The following GALNT18 variants were observed in gnomAD, a reference collection of about 807,000 sequenced individuals.
The protein encoded by GALNT18 is GalNAc-transferase 18.
Under a neutral mutation model 69.5 loss-of-function variants are expected in GALNT18, and 44 were observed. That is an observed-to-expected ratio of 0.63 (90% confidence interval 0.50 to 0.81). The LOEUF is 0.81. GALNT18 is among the 40% of genes least tolerant of loss of function. The pLI is 0.00. For missense variants in GALNT18, 715 were observed against 810.0 expected (o/e 0.88, Z 1.42); for synonymous variants, 364 against 318.2 (o/e 1.14, Z -1.53).
At chr11:11,272,823 T>C (rs1379386496) in intron 10 of GALNT18, among the ~76,000 whole-genome samples, 2 of 152,090 alleles carry the variant, frequency 1.3e-5, no homozygotes, top group African/African-American at 4.8e-5. Flanking sequence ...CAGTGGGAAG[T>C]GCACTGAGAG....
chr11:11,471,665 AC>A (rs770480567), intron 1 of GALNT18, among the ~76,000 whole-genome samples: 3 of 152,156 alleles, frequency 2.0e-5, no homozygotes, highest in Non-Finnish European at 2.9e-5. Context: ...AAAAATAAGA[AC>A]CCTTGTAGAA....
chr11:11,479,245 C>A (rs575084767), intron 1 of GALNT18, among the ~76,000 whole-genome samples: 6,789 of 152,164 alleles, frequency 0.045, 387 homozygotes, highest in African/African-American at 0.14. Context: ...ATAAAGTTTA[C>A]ATCATGGAAG....
intron 9 of GALNT18, among the ~76,000 whole-genome samples, chr11:11,324,150 G>T (rs1849880149): frequency 6.6e-6 from 1 of 152,084 alleles, no homozygotes; most frequent in South Asian, 2.1e-4. Flanking sequence ...TCTGATCTTG[G>T]GCTTCCCAGC....
chr11:11,271,372 T>G (rs1589992626), intron 10 of GALNT18, 82 bp from the exon 11 acceptor site: 1 of 1,439,168 alleles, frequency 6.9e-7, no homozygotes, highest in Non-Finnish European at 9.7e-7. Flanking sequence ...AAGTGGCTGG[T>G]GAGGGCTGAC....
intron 6 of GALNT18, among the ~76,000 whole-genome samples, chr11:11,371,632 G>A (rs1564915071): frequency 6.7e-6 from 1 of 150,106 alleles, no homozygotes; most frequent in Non-Finnish European, 1.5e-5. Flanking sequence ...AGACAGTGGG[G>A]GCCATCGTGG....
chr11:11,375,089 T>A (rs1041606684), intron 5 of GALNT18, among the ~76,000 whole-genome samples: 2 of 152,212 alleles, frequency 1.3e-5, no homozygotes, highest in African/African-American at 4.8e-5. Flanking sequence ...CACAAAGACA[T>A]CCCTTTAGAA....
At chr11:11,334,616 C>G (rs1850079014) in intron 7 of GALNT18, among the ~76,000 whole-genome samples, 1 of 151,902 alleles carries the variant, frequency 6.6e-6, no homozygotes, top group South Asian at 2.1e-4. Context: ...AGAGTTCAGG[C>G]AATATAAAAA....
intron 1 of GALNT18, among the ~76,000 whole-genome samples, chr11:11,509,279 A>C (rs1857125206): frequency 6.6e-6 from 1 of 152,232 alleles, no homozygotes. Context: ...TAATACCAAA[A>C]TATTTTTGAA....
intron 1 of GALNT18, among the ~76,000 whole-genome samples, chr11:11,513,928 T>A (rs189442924): frequency 6.6e-6 from 1 of 152,236 alleles, no homozygotes; most frequent in African/African-American, 2.4e-5. Context: ...CTTGAATGGG[T>A]CACGGGTGGA....
chr11:11,490,231 TCTAA>T (rs1467029953), intron 1 of GALNT18, among the ~76,000 whole-genome samples: 1 of 65,792 alleles, frequency 1.5e-5, no homozygotes, highest in African/African-American at 6.6e-5. Flanking sequence ...TCTCTCTCTC[TCTAA>T]CACACACACA....
At chr11:11,286,745 T>G (rs1241374795) in intron 10 of GALNT18, among the ~76,000 whole-genome samples, 2 of 152,146 alleles carry the variant, frequency 1.3e-5, no homozygotes. Flanking sequence ...CTCTAGTCTG[T>G]TGGCTGATGG....
rs1037417566 is a variant in GALNT18 at position 11,382,134 on chromosome 11, T to G, written c.596-2870A>C. On this transcript the variant is annotated intron_variant, in intron 3 of 10. Coordinates refer to ENST00000227756, the MANE Select transcript of GALNT18 (RefSeq NM_198516.3). The surrounding 1 kb of genome is among the most constrained non-coding windows in gnomAD (Gnocchi z 4.3). ...GAGTAAAGGCTTCTGGTGGACCAGA[T>G]AGTAGAAAAATTCCATCCCCAGTTA... Among the ~76,000 whole-genome samples the G allele has an allele frequency of 2.0e-5, 3 of 152,156 alleles. No homozygotes were observed. Among genetic ancestry groups the G allele is most frequent in the African/African-American group, 7.2e-5 (3 of 41,432 alleles).
chr11:11,616,974 C>T lies in GALNT18; in HGVS notation c.235+4385G>A, dbSNP rs1860068350. 6.6e-6 allele frequency among the ~76,000 whole-genome samples: 1 copy of T among 152,162 alleles called. No homozygotes were observed. Among genetic ancestry groups the T allele is most frequent in the African/African-American group, 2.4e-5 (1 of 41,446 alleles). On this transcript the variant is annotated intron_variant, in intron 1 of 10. Transcript: ENST00000227756. The surrounding 1 kb of genome is among the most constrained non-coding windows in gnomAD (Gnocchi z 4.4). ...TGTGAGCAAAATCATTGCAAAAGATCAGACAAAAATCGTAACAATTTAGGC... is the reference window on the plus strand; with the variant it reads ...TGTGAGCAAAATCATTGCAAAAGATTAGACAAAAATCGTAACAATTTAGGC...
chr11:11,353,487 TCAAAGCA>T, intron 6 of GALNT18: 1 of 347,698 alleles, frequency 2.9e-6, no homozygotes, highest in African/African-American at 2.1e-5. Context: ...CAGCTGCTAT[TCAAAGCA>T]CATCTCCTGG....
chr11:11,416,426 T>C (rs933445569), intron 3 of GALNT18, among the ~76,000 whole-genome samples: 1 of 152,214 alleles, frequency 6.6e-6, no homozygotes, highest in Admixed American at 6.5e-5. Context: ...GCTGGGAACC[T>C]GACCTTCACC....
intron 1 of GALNT18, among the ~76,000 whole-genome samples, chr11:11,466,001 C>T (rs1856148582): frequency 6.6e-6 from 1 of 152,212 alleles, no homozygotes; most frequent in African/African-American, 2.4e-5. Context: ...CAGACCAGTG[C>T]TTCTCAGCTC....
chr11:11,572,681 C>T (rs998406787), intron 1 of GALNT18, among the ~76,000 whole-genome samples: 1 of 152,232 alleles, frequency 6.6e-6, no homozygotes, highest in Non-Finnish European at 1.5e-5. Context: ...GAACATTCAA[C>T]ATGGCTGCCC....
At chr11:11,521,562 C>T (rs78437187) in intron 1 of GALNT18, among the ~76,000 whole-genome samples, 2,329 of 152,250 alleles carry the variant, frequency 0.015, 151 homozygotes, top group Admixed American at 0.12. Flanking sequence ...GGAAGAAACT[C>T]GAGGCCAGGC....
chr11:11,535,233 G>A (rs1391532246), intron 1 of GALNT18, among the ~76,000 whole-genome samples: 2 of 152,182 alleles, frequency 1.3e-5, no homozygotes, highest in African/African-American at 4.8e-5. Context: ...GGAGACCAGG[G>A]CACTCTGGTA....
Sources: gnomAD v4.1 joint callset for allele counts (sites outside exome capture counted in the v4.1 genomes callset) on GRCh38, gnomAD v4.1.1 for gene constraint, Gnocchi (gnomAD v3.1) non-coding constraint, MANE v1.5 for transcripts, NCBI Gene and HGNC (gene_info 2026-07-23, HGNC 2026-07-21) for gene names.